SRGAP2B: variants seen among roughly 807,000 people sequenced by gnomAD.
SRGAP2B encodes the protein SLIT-ROBO Rho GTPase activating protein 2B.
Under a neutral mutation model 22.2 loss-of-function variants are expected in SRGAP2B, and 9 were observed. The ratio of observed to expected loss-of-function variants is 0.41; its 90% CI spans 0.24 to 0.71. The LOEUF is 0.71. Ranked by LOEUF, SRGAP2B falls within the 30% of genes least tolerant of loss-of-function variation. The probability of loss-of-function intolerance (pLI) is 0.35; values close to 1 mark genes in which losing one functional copy is unlikely to be tolerated. For synonymous variants in SRGAP2B, 36 were observed against 87.4 expected, an observed-to-expected ratio of 0.41 and a Z score of 3.28; for missense variants, 114 against 235.8, an observed-to-expected ratio of 0.48 and a Z score of 3.38.
chr1:144,892,686 T>A (rs1188791418), intron 9 of SRGAP2B, among the ~76,000 whole-genome samples: 2 of 148,812 alleles, frequency 1.3e-5, no homozygotes, highest in Admixed American at 6.7e-5. Context: ...ATAACAATAT[T>A]GTAATAGAAG....
chr1:144,972,324 AAG>A, intron 3 of SRGAP2B, among the ~76,000 whole-genome samples: 1 of 133,516 alleles, frequency 7.5e-6, no homozygotes, highest in Middle Eastern at 3.5e-3. Context: ...ACATCAGTAA[AAG>A]AGGACTATCA....
intron 4 of SRGAP2B, chr1:144,918,201 C>T (rs1231708740): frequency 5.3e-5 from 7 of 132,376 alleles, no homozygotes; most frequent in Admixed American, 5.2e-4. Context: ...TGCAGGAAAC[C>T]AAATAGAAGT....
chr1:145,030,364 A>G (rs1380098951), intron 2 of SRGAP2B, among the ~76,000 whole-genome samples: 3 of 149,230 alleles, frequency 2.0e-5, no homozygotes, highest in African/African-American at 7.7e-5. Flanking sequence ...CCATGTTTGA[A>G]TACTATACAG....
chr1:144,965,105 G>T (rs1667975451), intron 3 of SRGAP2B: 1 of 1,300,824 alleles, frequency 7.7e-7, no homozygotes, highest in South Asian at 1.2e-5. Flanking sequence ...AAGGATGCTT[G>T]GATTGTCTGC....
intron 2 of SRGAP2B, among the ~76,000 whole-genome samples, chr1:145,041,036 C>A (rs1409434853): frequency 2.4e-5 from 3 of 125,632 alleles, no homozygotes; most frequent in African/African-American, 9.4e-5. Flanking sequence ...TTACTTATCA[C>A]CATCTGAAAA....
intron 2 of SRGAP2B, among the ~76,000 whole-genome samples, chr1:145,075,912 A>T (rs1427715659): frequency 6.7e-6 from 1 of 149,430 alleles, no homozygotes; most frequent in Non-Finnish European, 1.5e-5. Context: ...ACACAGTGAA[A>T]CCCCGTCTCT....
rs1487882537 is a variant in SRGAP2B at position 144,981,069 on chromosome 1, G to A, written c.260+13939C>T. ...TCCCCCATTTCAATTATAAAAACAC[G>A]TATGGCAGAGACTGTCTTTTCTTCT... On this transcript the variant is annotated intron_variant, in intron 3 of 9. Coordinates refer to ENST00000612199, the Ensembl canonical transcript of SRGAP2B. 9.3e-5 allele frequency among the ~76,000 whole-genome samples: 14 copies of A among 149,846 alleles called. No homozygotes were observed. The South Asian group carries it at 1.3e-3, about 13-fold the overall frequency.
At position 144,940,002 on chromosome 1, in the gene SRGAP2B, C is replaced by A. The variant is rs1429597057; in HGVS notation, c.423+15437G>T. On this transcript the variant is annotated intron_variant, in intron 4 of 9. Transcript: ENST00000612199. ...CTTTCTAGCCTATATGATAATATAC[C>A]GCTAAAAAAAGATTAGCTTAGAGAT... 1.5e-4 allele frequency among the ~76,000 whole-genome samples: 21 copies of A among 140,514 alleles called. 1 individual carries two copies. Among genetic ancestry groups the A allele is most frequent in the African/African-American group, 5.6e-4 (20 of 35,818 alleles). The allele number at this position is 140,514 out of a possible 152,430, so 92.2% of individuals were successfully genotyped here.
intron 3 of SRGAP2B, among the ~76,000 whole-genome samples, chr1:144,965,907 G>T (rs587622603): frequency 6.7e-6 from 1 of 148,574 alleles, no homozygotes; most frequent in South Asian, 2.1e-4. Context: ...AAGATGAAAT[G>T]AATGAAATGA....
chr1:144,925,691 G>A (rs1256582279), intron 4 of SRGAP2B, among the ~76,000 whole-genome samples: 1 of 139,708 alleles, frequency 7.2e-6, no homozygotes, highest in Non-Finnish European at 1.5e-5. Flanking sequence ...AGAAGTGGGG[G>A]GGCAGAGAGA....
chr1:144,983,932 A>G (rs1669501468), intron 3 of SRGAP2B, among the ~76,000 whole-genome samples: 1 of 150,696 alleles, frequency 6.6e-6, no homozygotes, highest in South Asian at 2.1e-4. Flanking sequence ...TTTAGCTTCA[A>G]TACTCTTCCA....
rs1195344900 is a variant in SRGAP2B, at chr1:145,062,924, T to C, written c.67+29911A>G. Among the ~76,000 whole-genome samples the C allele has an allele frequency of 6.1e-5, 9 of 146,520 alleles. No individual in the cohort carries two copies. The South Asian group carries it at 1.1e-3, about 18-fold the overall frequency. On this transcript the variant is annotated intron_variant, in intron 2 of 9. Coordinates refer to ENST00000612199, the Ensembl canonical transcript of SRGAP2B. ...TCAGTTTATTTTTACTCTCTGCCAA[T>C]AGAGGCAAGGTAATTCTATAAGCAC...
At chr1:145,009,081 G>T (rs1671829728) in intron 2 of SRGAP2B, among the ~76,000 whole-genome samples, 1 of 145,984 alleles carries the variant, frequency 6.9e-6, no homozygotes, top group Non-Finnish European at 1.5e-5. Context: ...GGAGGCTGAG[G>T]CAGGAGAATG....
intron 3 of SRGAP2B, among the ~76,000 whole-genome samples, chr1:144,979,915 T>C (rs1414265644): frequency 1.3e-5 from 2 of 151,306 alleles, no homozygotes; most frequent in East Asian, 3.9e-4. Context: ...AGGTATTTAT[T>C]TACAGCATCA....
At position 144,966,009 on chromosome 1, in the gene SRGAP2B, G is replaced by A. The variant is rs587669607; in HGVS notation, c.261-10408C>T. 8.2e-4 allele frequency among the ~76,000 whole-genome samples: 124 copies of A among 150,846 alleles called. 6 individuals carry two copies. Among genetic ancestry groups the A allele is most frequent in the African/African-American group, 3.0e-3 (123 of 40,386 alleles). ...GACTATGTGAAAAGACCAAATCTAC[G>A]TCTGATTGGTGTACCTGAAAGTGAG... On this transcript the variant is annotated intron_variant, in intron 3 of 9. Coordinates refer to ENST00000612199, the Ensembl canonical transcript of SRGAP2B.
intron 3 of SRGAP2B, among the ~76,000 whole-genome samples, chr1:144,990,832 G>A (rs1670135903): frequency 6.6e-6 from 1 of 151,448 alleles, no homozygotes; most frequent in Non-Finnish European, 1.5e-5. Flanking sequence ...CCCCAGCAGT[G>A]CCGGCCCATC....
chr1:144,905,671 T>G (rs1332368240), intron 6 of SRGAP2B, among the ~76,000 whole-genome samples, 188 bp downstream of exon 6: 25 of 149,792 alleles, frequency 1.7e-4, no homozygotes, highest in Non-Finnish European at 2.9e-4. Context: ...GGAACCCACG[T>G]GCCCAGTTCT....
chr1:144,954,537 G>A (rs1265516332), intron 4 of SRGAP2B, among the ~76,000 whole-genome samples: 5 of 150,454 alleles, frequency 3.3e-5, no homozygotes, highest in Non-Finnish European at 4.4e-5. Context: ...AAAGTCTTCC[G>A]GGGATGTCAA....
intron 5 of SRGAP2B, among the ~76,000 whole-genome samples, chr1:144,912,382 A>G (rs1237675401): frequency 6.6e-6 from 1 of 150,458 alleles, no homozygotes; most frequent in Admixed American, 6.6e-5. Flanking sequence ...GTGTATGCAG[A>G]CACTAAGGTC....
Sources: gnomAD v4.1 joint callset for allele counts (sites outside exome capture counted in the v4.1 genomes callset) on GRCh38, gnomAD v4.1.1 for gene constraint, MANE v1.5 for transcripts, NCBI Gene and HGNC (gene_info 2026-07-23, HGNC 2026-07-21) for gene names.